MACROD2: variants seen among roughly 807,000 people sequenced by gnomAD.
MACROD2 encodes mono-ADP ribosylhydrolase 2.
Under a neutral mutation model 70.4 loss-of-function variants are expected in MACROD2, and 36 were observed. That is an observed-to-expected ratio of 0.51 (90% CI 0.39 to 0.68). The LOEUF is 0.68. MACROD2 is among the 30% of genes least tolerant of loss of function. MACROD2 has a pLI of 0.00. For synonymous variants in MACROD2, 172 were observed against 178.8 expected (o/e 0.96, Z 0.30); for missense variants, 496 against 538.4 (o/e 0.92, Z 0.78).
chr20:14,393,996 G>T (rs751717214), intron 3 of MACROD2, among the ~76,000 whole-genome samples: 10 of 152,164 alleles, frequency 6.6e-5, no homozygotes, highest in Non-Finnish European at 1.3e-4. Context: ...AACTGAATCT[G>T]CCAGTACCTT....
At chr20:15,353,705 T>G in intron 6 of MACROD2, among the ~76,000 whole-genome samples, 1 of 138,732 alleles carries the variant, frequency 7.2e-6, no homozygotes, top group Non-Finnish European at 1.5e-5. Context: ...GAACAGACAC[T>G]TCTCAAAAGA....
intron 5 of MACROD2, among the ~76,000 whole-genome samples, chr20:15,033,534 CTT>C (rs1313173893): frequency 1.3e-5 from 2 of 152,200 alleles, no homozygotes; most frequent in African/African-American, 4.8e-5. Flanking sequence ...TCTTTATACA[CTT>C]GAGGTAACCT....
chr20:14,925,303 G>GA (rs879928240), intron 5 of MACROD2, among the ~76,000 whole-genome samples: 1 of 151,956 alleles, frequency 6.6e-6, no homozygotes, highest in African/African-American at 2.4e-5. Context: ...ACAAATCCAG[G>GA]AAAAAGAAAC....
chr20:14,985,314 C>T (rs1277989413), intron 5 of MACROD2, among the ~76,000 whole-genome samples: 3 of 152,210 alleles, frequency 2.0e-5, no homozygotes, highest in African/African-American at 7.2e-5. Context: ...CTACATTCTT[C>T]ACCATGATGC....
At chr20:15,555,165 G>T (rs900565710) in intron 8 of MACROD2, among the ~76,000 whole-genome samples, 3 of 152,122 alleles carry the variant, frequency 2.0e-5, no homozygotes, top group African/African-American at 7.2e-5. Flanking sequence ...GGGAGTGAGA[G>T]GCGGCCAGGG....
chr20:15,514,010 A>G (rs948177136), intron 8 of MACROD2, among the ~76,000 whole-genome samples: 17 of 152,244 alleles, frequency 1.1e-4, no homozygotes, highest in Admixed American at 1.1e-3. Context: ...AAGTCAATGA[A>G]CAGATTTAAA....
At chr20:15,768,007 C>T (rs1018509385) in intron 8 of MACROD2, among the ~76,000 whole-genome samples, 1 of 151,050 alleles carries the variant, frequency 6.6e-6, no homozygotes, top group African/African-American at 2.4e-5. Flanking sequence ...TGTATCATAT[C>T]TTAGAATTAG....
intron 6 of MACROD2, among the ~76,000 whole-genome samples, chr20:15,415,900 G>C (rs2046141497): frequency 6.6e-6 from 1 of 152,224 alleles, no homozygotes; most frequent in East Asian, 1.9e-4. Context: ...TGAATCCTAG[G>C]TTTGTCACAT....
intron 3 of MACROD2, among the ~76,000 whole-genome samples, chr20:14,114,337 C>T (rs2054489403): frequency 6.6e-6 from 1 of 152,080 alleles, no homozygotes; most frequent in African/African-American, 2.4e-5. Flanking sequence ...CACATTTTCT[C>T]CACTTTTTAA....
At chr20:15,098,407 T>G (rs2123186691) in intron 5 of MACROD2, among the ~76,000 whole-genome samples, 1 of 152,272 alleles carries the variant, frequency 6.6e-6, no homozygotes, top group Admixed American at 6.5e-5. Flanking sequence ...TCTGTATCCC[T>G]TACTCTGCCT....
At chr20:14,529,714 A>G (rs1307807814) in intron 4 of MACROD2, among the ~76,000 whole-genome samples, 1 of 149,292 alleles carries the variant, frequency 6.7e-6, no homozygotes, top group African/African-American at 2.6e-5. Flanking sequence ...TTTGAATGAA[A>G]TTGGGATTTT....
At chr20:15,595,581 C>T (rs2048735779) in intron 8 of MACROD2, among the ~76,000 whole-genome samples, 1 of 152,052 alleles carries the variant, frequency 6.6e-6, no homozygotes, top group Non-Finnish European at 1.5e-5. Flanking sequence ...AAGGAAAATG[C>T]AGCTATCAAG....
chr20:15,289,534 T>C (rs1600203156), intron 6 of MACROD2, among the ~76,000 whole-genome samples: 1 of 152,128 alleles, frequency 6.6e-6, no homozygotes, highest in East Asian at 1.9e-4. Flanking sequence ...GCTAGAGTGG[T>C]TCGCACTTCA....
chr20:15,181,730 A>T (rs2076502247), intron 5 of MACROD2, among the ~76,000 whole-genome samples: 1 of 152,176 alleles, frequency 6.6e-6, no homozygotes, highest in Non-Finnish European at 1.5e-5. Context: ...TTTCACATTC[A>T]AGTCTGAGAA....
chr20:14,854,455 GC>G (rs2073231856), intron 5 of MACROD2, among the ~76,000 whole-genome samples: 1 of 152,026 alleles, frequency 6.6e-6, no homozygotes, highest in East Asian at 1.9e-4. Context: ...TGGACTTAAC[GC>G]CTGGAATGTC....
intron 4 of MACROD2, among the ~76,000 whole-genome samples, chr20:14,514,837 G>T (rs1238904968): frequency 6.6e-6 from 1 of 152,086 alleles, no homozygotes; most frequent in Non-Finnish European, 1.5e-5. Context: ...CCTCTTCTAG[G>T]ACTTCCATGG....
intron 8 of MACROD2, among the ~76,000 whole-genome samples, chr20:15,775,171 T>G (rs2051700965): frequency 6.6e-6 from 1 of 152,062 alleles, no homozygotes; most frequent in Admixed American, 6.5e-5. Context: ...TCATGAATAT[T>G]TGTGATAGAA....
At chr20:15,742,904 T>G (rs1369359849) in intron 8 of MACROD2, among the ~76,000 whole-genome samples, 1 of 152,248 alleles carries the variant, frequency 6.6e-6, no homozygotes, top group Non-Finnish European at 1.5e-5. Flanking sequence ...ATAACTGTGA[T>G]AATGAGGAAT....
chr20:14,364,892 C>A (rs1236583579), intron 3 of MACROD2, among the ~76,000 whole-genome samples: 1 of 152,090 alleles, frequency 6.6e-6, no homozygotes, highest in Admixed American at 6.6e-5. Context: ...TTGTTGAAAA[C>A]TTTTTTTCAT....
Sources: gnomAD v4.1 joint callset for allele counts (sites outside exome capture counted in the v4.1 genomes callset) on GRCh38, gnomAD v4.1.1 for gene constraint, MANE v1.5 for transcripts, NCBI Gene and HGNC (gene_info 2026-07-23, HGNC 2026-07-21) for gene names.